METTL15: variants seen among roughly 807,000 people sequenced by gnomAD.
The protein encoded by METTL15 is methyltransferase 15, mitochondrial 12S rRNA N4-cytidine, also known as 12S rRNA N(4)-cytidine methyltransferase METTL15.
A neutral mutation model predicts 38.3 loss-of-function variants in METTL15; 34 were observed. That is an observed-to-expected ratio of 0.89 (90% confidence interval 0.68 to 1.18). The LOEUF is 1.18. METTL15 is among the 50% of genes most tolerant of loss of function. METTL15 has a pLI of 0.00. For missense variants in METTL15, 438 were observed against 498.4 expected, an observed-to-expected ratio of 0.88 and a Z score of 1.15; for synonymous variants, 162 against 170.9, an observed-to-expected ratio of 0.95 and a Z score of 0.41.
At chr11:28,238,412 G>A (rs940196590) in intron 4 of METTL15, among the ~76,000 whole-genome samples, 1 of 152,226 alleles carries the variant, frequency 6.6e-6, no homozygotes, top group African/African-American at 2.4e-5. Context: ...CTCTGAGCCA[G>A]GTGTGGGTTA....
At chr11:28,362,017 G>A (rs961003726) in exon 5 of METTL15, 1 of 152,064 alleles carries the variant, frequency 6.6e-6, no homozygotes, top group Non-Finnish European at 1.5e-5. Flanking sequence ...AACGTGGATG[G>A]CCTTCAAAGA....
intron 4 of METTL15, among the ~76,000 whole-genome samples, chr11:28,271,247 T>G (rs535574562): frequency 9.8e-5 from 15 of 152,304 alleles, no homozygotes; most frequent in Admixed American, 9.1e-4. Context: ...AGGCTCATTT[T>G]AACACAAATT....
intron 4 of METTL15, among the ~76,000 whole-genome samples, chr11:28,237,775 G>T (rs1342097064): frequency 6.6e-6 from 1 of 152,140 alleles, no homozygotes; most frequent in Non-Finnish European, 1.5e-5. Context: ...GTACAGATGG[G>T]TTTTTGGTGT....
chr11:28,241,712 G>A (rs1167493922), intron 4 of METTL15, among the ~76,000 whole-genome samples: 1 of 152,150 alleles, frequency 6.6e-6, no homozygotes. Flanking sequence ...TGAGAAGATA[G>A]CATTCAGGCA....
At chr11:28,250,659 A>C (rs1003484936) in intron 4 of METTL15, among the ~76,000 whole-genome samples, 3 of 151,964 alleles carry the variant, frequency 2.0e-5, no homozygotes, top group African/African-American at 4.8e-5. Flanking sequence ...GGCAGTGTGC[A>C]TGGCTGATTC....
At chr11:28,449,635 C>T (rs557589100) in intron 6 of METTL15, among the ~76,000 whole-genome samples, 1 of 152,126 alleles carries the variant, frequency 6.6e-6, no homozygotes, top group South Asian at 2.1e-4. Context: ...TTTCAAGTCA[C>T]AGGCTAGCTA....
chr11:28,173,745 C>G (rs1432005928), intron 3 of METTL15, among the ~76,000 whole-genome samples: 3 of 152,256 alleles, frequency 2.0e-5, no homozygotes, highest in Admixed American at 2.0e-4. Flanking sequence ...GTTGTCATGT[C>G]CCTTTAGCTT....
intron 3 of METTL15, among the ~76,000 whole-genome samples, chr11:28,154,713 G>A (rs1307598739): frequency 6.6e-6 from 1 of 152,026 alleles, no homozygotes; most frequent in Non-Finnish European, 1.5e-5. Context: ...CAAGGATTGT[G>A]CTGATTTTAA....
At chr11:28,513,639 A>C (rs1193422211) in intron 6 of METTL15, among the ~76,000 whole-genome samples, 2 of 152,198 alleles carry the variant, frequency 1.3e-5, no homozygotes, top group Non-Finnish European at 2.9e-5. Flanking sequence ...AGATTTACCC[A>C]CCTATTTATT....
At chr11:28,262,486 C>G (rs572487197) in intron 4 of METTL15, among the ~76,000 whole-genome samples, 2 of 151,718 alleles carry the variant, frequency 1.3e-5, no homozygotes, top group African/African-American at 4.8e-5. Context: ...CATAAACATT[C>G]GCTTCACTGT....
At chr11:28,142,411 G>A (rs1306199854) in intron 3 of METTL15, among the ~76,000 whole-genome samples, 1 of 152,174 alleles carries the variant, frequency 6.6e-6, no homozygotes, top group African/African-American at 2.4e-5. Flanking sequence ...GTTAAAGGAA[G>A]AAGGAACTTG....
intron 6 of METTL15, among the ~76,000 whole-genome samples, chr11:28,317,879 C>T (rs1857535785): frequency 6.6e-6 from 1 of 152,144 alleles, no homozygotes; most frequent in South Asian, 2.1e-4. Context: ...GGTTCTCAAT[C>T]AATGCTTCCA....
At chr11:28,143,216 T>G (rs1849759257) in intron 3 of METTL15, among the ~76,000 whole-genome samples, 1 of 152,110 alleles carries the variant, frequency 6.6e-6, no homozygotes, top group South Asian at 2.1e-4. Context: ...TGTCTGAGCA[T>G]GAGACAAAGA....
intron 4 of METTL15, among the ~76,000 whole-genome samples, chr11:28,233,066 TAAC>T (rs1299864213): frequency 3.9e-5 from 6 of 152,074 alleles, no homozygotes; most frequent in Non-Finnish European, 8.8e-5. Context: ...ATTATGCCCT[TAAC>T]AATCTTATCA....
chr11:28,179,571 A>G (rs1271123012), intron 3 of METTL15, among the ~76,000 whole-genome samples: 1 of 151,788 alleles, frequency 6.6e-6, no homozygotes, highest in Non-Finnish European at 1.5e-5. Flanking sequence ...TGTTTGTGAT[A>G]GTCATCTATA....
rs1378684127 is a variant in METTL15 at position 28,431,154 on chromosome 11, G to A, written c.*424+6790G>A. Among the ~76,000 whole-genome samples the A allele has an allele frequency of 1.1e-4, 10 of 88,308 alleles. 1 individual carries two copies. The highest frequency in any genetic ancestry group is 8.0e-4 in the South Asian group (2 of 2,508). The allele number at this position is 88,308 out of a possible 152,430, so 57.9% of individuals were successfully genotyped here. A position where few individuals can be genotyped will look rare whatever the true frequency, so the allele number is the denominator to read the frequency against. ...GCCAGCCGCCCCATCCGGGAGGGAG[G>A]TGGGGGGGTCAGCCCCCTGCCCGGC... On this transcript the variant is annotated intron_variant and NMD_transcript_variant, in intron 6 of 7. Coordinates refer to the METTL15 transcript ENST00000532947.
Position 28,309,481 on chromosome 11 carries a change from C to G in METTL15, c.778+12550C>G, listed in dbSNP as rs1017698862. 1.2e-4 allele frequency among the ~76,000 whole-genome samples: 19 copies of G among 152,276 alleles called. 2 individuals are homozygous for G. Among genetic ancestry groups the G allele is most frequent in the Admixed American group, 7.2e-4 (11 of 15,290 alleles). ...TCTTTACTAACATGGGTACCTTTCA[C>G]TTTGCATTTTTAATTATTACCATTG... On this transcript the variant is annotated intron_variant, in intron 6 of 6. Transcript: ENST00000407364.
chr11:28,193,084 A>G (rs1034650071), intron 3 of METTL15, among the ~76,000 whole-genome samples: 1 of 152,114 alleles, frequency 6.6e-6, no homozygotes, highest in Non-Finnish European at 1.5e-5. Context: ...ACTAAATTCC[A>G]CTGGATTTTA....
intron 4 of METTL15, among the ~76,000 whole-genome samples, chr11:28,265,353 C>T (rs1195459176): frequency 6.6e-6 from 1 of 151,462 alleles, no homozygotes; most frequent in Admixed American, 6.6e-5. Context: ...CTATGCCTTG[C>T]TGAAAGTAGA....
Sources: allele counts gnomAD v4.1 joint callset (sites outside exome capture counted in the v4.1 genomes callset), GRCh38; gene constraint gnomAD v4.1.1; transcripts MANE v1.5; gene names NCBI Gene and HGNC (gene_info 2026-07-23, HGNC 2026-07-21).